The following NCKAP1 variants were observed in gnomAD, a reference collection of about 807,000 sequenced individuals.
NCKAP1 encodes nck-associated protein 1.
A neutral mutation model predicts 151.2 loss-of-function variants in NCKAP1; 21 were observed. That is an observed-to-expected ratio of 0.14 (90% confidence interval 0.10 to 0.20). NCKAP1 has a LOEUF of 0.20. Ranked by LOEUF, NCKAP1 falls within the 10% of genes least tolerant of loss-of-function variation. The pLI is 1.00. For missense variants in NCKAP1, 933 were observed against 1,352.1 expected, an observed-to-expected ratio of 0.69 and a Z score of 4.86; for synonymous variants, 484 against 451.8, an observed-to-expected ratio of 1.07 and a Z score of -0.90.
chr2:182,936,009 C>T (rs1003135769), intron 24 of NCKAP1, among the ~76,000 whole-genome samples: 3 of 152,058 alleles, frequency 2.0e-5, no homozygotes, highest in Admixed American at 1.3e-4. Context: ...GTAATCCTAG[C>T]ATTCTAGGAG....
At chr2:183,001,012 G>A (rs575151884) in intron 6 of NCKAP1, among the ~76,000 whole-genome samples, 4 of 152,242 alleles carry the variant, frequency 2.6e-5, no homozygotes, top group East Asian at 3.9e-4. Context: ...GGAGAATCAC[G>A]AGCCCGGGAG....
chr2:183,027,636 C>G (rs1698922988), intron 1 of NCKAP1, among the ~76,000 whole-genome samples: 1 of 152,076 alleles, frequency 6.6e-6, no homozygotes, highest in African/African-American at 2.4e-5. Context: ...GGGAGGATCA[C>G]TTGAGGACAG....
chr2:183,008,519 T>C (rs1163706774), intron 2 of NCKAP1, among the ~76,000 whole-genome samples: 7 of 125,646 alleles, frequency 5.6e-5, no homozygotes, highest in Admixed American at 5.5e-4. Flanking sequence ...CCTCACTCAG[T>C]ATAGTTATCA....
intron 23 of NCKAP1, among the ~76,000 whole-genome samples, chr2:182,943,962 A>C (rs1697048806): frequency 6.6e-6 from 1 of 152,190 alleles, no homozygotes; most frequent in East Asian, 1.9e-4. Flanking sequence ...TTTTGTGCGC[A>C]TAAAAATTCT....
At position 182,912,321 on chromosome 2, in the gene NCKAP1, T is replaced by C. The variant is rs1402893557; in HGVS notation, c.*13381A>G. ...TAAAAATCAACCAACTATAAACAGTTACCACAGTTCTGTTTTTGCCAGTGC... is the reference window on the plus strand; with the variant it reads ...TAAAAATCAACCAACTATAAACAGTCACCACAGTTCTGTTTTTGCCAGTGC... On this transcript the variant is annotated 3_prime_UTR_variant, in exon 31 of 31. Coordinates refer to ENST00000361354, the MANE Select transcript of NCKAP1 (RefSeq NM_013436.5). 6.6e-6 allele frequency: 1 copy of C among 152,186 alleles called. No individual in the cohort carries two copies. The highest frequency in any genetic ancestry group is 1.5e-5 in the Non-Finnish European group (1 of 68,038). 9.4% of individuals were successfully genotyped at this position (152,186 alleles called of 1,614,324 possible).
At position 183,018,083 on chromosome 2, in the gene NCKAP1, A is replaced by T. The variant is rs111488124; in HGVS notation, c.219+5723T>A. Among the ~76,000 whole-genome samples the T allele has an allele frequency of 2.6e-5, 4 of 152,184 alleles. 1 individual carries two copies. Among genetic ancestry groups the T allele is most frequent in the African/African-American group, 7.2e-5 (3 of 41,526 alleles). On this transcript the variant is annotated intron_variant, in intron 2 of 30. Transcript: ENST00000361354. ...GGCCAGCATGGTGAAACCCGTCTCT[A>T]CTAAAAATAGAAAATTAGGCGGGCG...
At position 182,914,291 on chromosome 2, in the gene NCKAP1, A is replaced by G. The variant is rs1024676955; in HGVS notation, c.*11411T>C. The G allele has an allele frequency of 6.6e-6, 1 of 152,186 alleles. No homozygotes were observed. Among genetic ancestry groups the G allele is most frequent in the African/African-American group, 2.4e-5 (1 of 41,452 alleles). The allele number at this position is 152,186 out of a possible 1,614,324, so 9.4% of individuals were successfully genotyped here. On this transcript the variant is annotated 3_prime_UTR_variant, in exon 31 of 31. Coordinates refer to ENST00000361354, the MANE Select transcript of NCKAP1 (RefSeq NM_013436.5). ...AACTGATGTTAGGATATGACATAAT[A>G]TATTATTTCTAACTTTTATAGTTTA...
rs759093400 is a variant in NCKAP1 at position 182,952,774 on chromosome 2, G to A, written c.2503+19C>T. On this transcript the variant is annotated intron_variant, in intron 22 of 30. Coordinates refer to ENST00000361354, the MANE Select transcript of NCKAP1 (RefSeq NM_013436.5). ...TTAAGTGTTCTTCATTCTCTAAACT[G>A]TGGTATAGTACTATTCACCTGATAT... 6.4e-7 allele frequency: 1 copy of A among 1,564,964 alleles called. No individual in the cohort carries two copies. Among genetic ancestry groups the A allele is most frequent in the South Asian group, 1.2e-5 (1 of 83,108 alleles).
intron 14 of NCKAP1, among the ~76,000 whole-genome samples, chr2:182,977,447 AC>A (rs1409788528): frequency 6.6e-6 from 1 of 152,172 alleles, no homozygotes; most frequent in Non-Finnish European, 1.5e-5. Context: ...CCGAGATTGT[AC>A]CACAGCACTC....
intron 1 of NCKAP1, among the ~76,000 whole-genome samples, chr2:183,035,501 C>T (rs1383898363): frequency 2.0e-5 from 3 of 151,362 alleles, no homozygotes; most frequent in Non-Finnish European, 4.4e-5. Flanking sequence ...AATTGATTGG[C>T]AAACATGTAT....
Position 182,919,231 on chromosome 2 carries a change from A to G in NCKAP1, c.*6471T>C, listed in dbSNP as rs561628379. On this transcript the variant is annotated 3_prime_UTR_variant, in exon 31 of 31. Transcript: ENST00000361354. The stretch of plus-strand genomic sequence containing the variant: ...AAATTTTCCCCTCCTAGCCATCACA[A>G]GTTCTGCCATCTGGGCCTTGCTTCA... 6.6e-6 allele frequency: 1 copy of G among 152,356 alleles called. No homozygotes were observed. The highest frequency in any genetic ancestry group is 2.1e-4 in the South Asian group (1 of 4,828). The allele number at this position is 152,356 out of a possible 1,614,324, so 9.4% of individuals were successfully genotyped here.
intron 8 of NCKAP1, 88 bp downstream of exon 8, chr2:182,994,751 G>A (rs1698235200): frequency 9.5e-7 from 1 of 1,057,322 alleles, no homozygotes; most frequent in Admixed American, 1.8e-5. Context: ...ACAATGCTAA[G>A]CACAGAGGTA....
chr2:182,988,974 G>A, intron 9 of NCKAP1, 56 bp downstream of exon 9: 1 of 1,491,152 alleles, frequency 6.7e-7, no homozygotes. Context: ...CTTCAGTAAA[G>A]ATAACTCACT....
In NCKAP1 at chr2:182,953,113, C is replaced by A; in HGVS notation, c.2372G>T (p.Trp791Leu). The A allele has an allele frequency of 6.3e-7, 1 of 1,595,806 alleles. No individual in the cohort carries two copies. The highest frequency in any genetic ancestry group is 1.1e-5 in the South Asian group (1 of 87,306). ...ACAAATTTCTAAATGCATTCCTTAC[C>A]AATTTGTGTATAGACTTGTAATGGT... The part of the protein sequence containing the change: ...EPTITSLYTN[W>L]YLETLLRQVS... The change falls in exon 21 of 31, where the codon TGG becomes TTG. Residue 791 changes from tryptophan (W) to leucine (L), a missense_variant and splice_region_variant. Around this residue, in one of 2 missense-constraint regions of NCKAP1, gnomAD observed 326 missense variants for 557.1 expected, o/e 0.59. Transcript: ENST00000361354.
At chr2:182,979,809 T>C (rs951246560) in intron 13 of NCKAP1, among the ~76,000 whole-genome samples, 4 of 152,094 alleles carry the variant, frequency 2.6e-5, no homozygotes, top group African/African-American at 7.2e-5. Context: ...TTATGAGCTG[T>C]ATTGGTGATA....
At chr2:182,959,548 T>C (rs1575030878) in intron 18 of NCKAP1, among the ~76,000 whole-genome samples, 2 of 152,292 alleles carry the variant, frequency 1.3e-5, no homozygotes, top group East Asian at 3.9e-4. Context: ...CCCTTTATGC[T>C]AAAAACTCTC....
At position 182,982,937 on chromosome 2, in the gene NCKAP1, A is replaced by G. The variant is rs1697970429; in HGVS notation, c.1102-10T>C. The G allele has an allele frequency of 6.4e-7, 1 of 1,571,496 alleles. No individual in the cohort carries two copies. The highest frequency in any genetic ancestry group is 8.6e-7 in the Non-Finnish European group (1 of 1,157,362). On this transcript the variant is annotated splice_polypyrimidine_tract_variant and intron_variant, in intron 11 of 30. Coordinates refer to ENST00000361354, the MANE Select transcript of NCKAP1 (RefSeq NM_013436.5). ...TAAAAACAAAAAGTGCCTGTTTAAAAAAAAGTAAGTGTTTATTCTTATTCA... is the reference window on the plus strand; with the variant it reads ...TAAAAACAAAAAGTGCCTGTTTAAAGAAAAGTAAGTGTTTATTCTTATTCA...
In NCKAP1 at chr2:182,912,814, A is replaced by G. The variant is rs934815413; in HGVS notation, c.*12888T>C. The G allele has an allele frequency of 9.0e-6, 1 of 111,130 alleles. No homozygotes were observed. The highest frequency in any genetic ancestry group is 1.0e-4 in the Admixed American group (1 of 9,750). The allele number at this position is 111,130 out of a possible 1,614,324, so 6.9% of individuals were successfully genotyped here. On this transcript the variant is annotated 3_prime_UTR_variant, in exon 31 of 31. Transcript: ENST00000361354. Reference sequence around the variant, plus strand: ...AATATGTGCACTAGCACAATACTATAGACAGATCTCAAAACCAAAGAAAGA... The same window carrying G: ...AATATGTGCACTAGCACAATACTATGGACAGATCTCAAAACCAAAGAAAGA...
intron 12 of NCKAP1, among the ~76,000 whole-genome samples, chr2:182,981,971 C>G (rs1386290706): frequency 6.8e-6 from 1 of 146,050 alleles, no homozygotes; most frequent in Non-Finnish European, 1.5e-5. Flanking sequence ...ATAAATACAT[C>G]ATCAAAAAAT....
Sources: allele counts gnomAD v4.1 joint callset (sites outside exome capture counted in the v4.1 genomes callset), GRCh38; gene constraint gnomAD v4.1.1; regional missense constraint gnomAD v4.1.1; transcripts MANE v1.5; gene names NCBI Gene and HGNC (gene_info 2026-07-23, HGNC 2026-07-21).